The following PID1 variants were observed in gnomAD, a reference collection of about 807,000 sequenced individuals.
The protein encoded by PID1 is phosphotyrosine interaction domain containing 1, also known as PTB-containing, cubilin and LRP1-interacting protein.
PID1 carries 10 observed loss-of-function variants against 19.1 expected under a neutral mutation model. The ratio of observed to expected loss-of-function variants is 0.52; its 90% CI spans 0.32 to 0.89. PID1 has a LOEUF of 0.89. Among genes scored for constraint, PID1 ranks in the 40% least tolerant of loss-of-function variants. PID1 has a pLI of 0.03. For missense variants in PID1, 248 were observed against 285.3 expected (o/e 0.87, Z 0.94); for synonymous variants, 130 against 116.0 (o/e 1.12, Z -0.78).
intron 2 of PID1, among the ~76,000 whole-genome samples, chr2:229,098,215 C>T (rs1468804164): frequency 6.6e-6 from 1 of 152,180 alleles, no homozygotes. Flanking sequence ...AGAAAAGAAG[C>T]TTGGACAATT....
intron 2 of PID1, among the ~76,000 whole-genome samples, chr2:229,112,784 C>T (rs1212176136): frequency 6.6e-6 from 1 of 152,134 alleles, no homozygotes; most frequent in African/African-American, 2.4e-5. Flanking sequence ...CATGCCTGGC[C>T]TCTACAACTT....
chr2:229,122,451 C>T (rs1027789864), intron 2 of PID1, among the ~76,000 whole-genome samples: 7 of 152,126 alleles, frequency 4.6e-5, no homozygotes, highest in Admixed American at 2.6e-4. Context: ...CAGGACATTT[C>T]TCTTCCCTGT....
intron 1 of PID1, among the ~76,000 whole-genome samples, chr2:229,233,490 ATT>A (rs56199529): frequency 3.0e-4 from 43 of 141,948 alleles, no homozygotes; most frequent in South Asian, 6.8e-4. Context: ...AGTGTGCTAG[ATT>A]TTTTTTTTTT....
intron 2 of PID1, among the ~76,000 whole-genome samples, chr2:229,106,117 A>T (rs1424882300): frequency 2.0e-5 from 3 of 151,776 alleles, no homozygotes; most frequent in South Asian, 4.2e-4. Flanking sequence ...GAAAGAAATA[A>T]ACAGAGGCCA....
chr2:229,249,292 T>G (rs1690085172), intron 1 of PID1, among the ~76,000 whole-genome samples: 1 of 152,138 alleles, frequency 6.6e-6, no homozygotes, highest in African/African-American at 2.4e-5. Flanking sequence ...TTTCCCCCAT[T>G]AACATGTGGC....
intron 1 of PID1, among the ~76,000 whole-genome samples, chr2:229,160,868 T>A (rs1690479318): frequency 6.6e-6 from 1 of 152,178 alleles, no homozygotes; most frequent in South Asian, 2.1e-4. Context: ...AAATTAACAT[T>A]TTATGTAACT....
chr2:229,088,478 C>G (rs979519704), intron 2 of PID1, among the ~76,000 whole-genome samples: 1 of 152,044 alleles, frequency 6.6e-6, no homozygotes, highest in Non-Finnish European at 1.5e-5. Flanking sequence ...AGTGAACAGG[C>G]AATGGAGTAT....
intron 2 of PID1, among the ~76,000 whole-genome samples, chr2:229,052,361 C>A (rs1694013115): frequency 6.6e-6 from 1 of 151,994 alleles, no homozygotes; most frequent in Non-Finnish European, 1.5e-5. Flanking sequence ...CTTTATAATA[C>A]TGGATATAGG....
At chr2:229,251,944 T>TAAAAAAAAAAAAAAAA (rs11284650) in intron 1 of PID1, among the ~76,000 whole-genome samples, 6 of 71,454 alleles carry the variant, frequency 8.4e-5, no homozygotes, top group East Asian at 7.4e-4. Flanking sequence ...AACCATAAGC[T>TAAAAAAAAAAAAAAAA]AAAAAAAAAA....
intron 2 of PID1, among the ~76,000 whole-genome samples, chr2:229,067,328 A>G (rs1277105155): frequency 6.6e-6 from 1 of 152,162 alleles, no homozygotes; most frequent in Non-Finnish European, 1.5e-5. Flanking sequence ...CCCTTAAATA[A>G]TTCAATTTCT....
chr2:229,035,020 T>C (rs79532736), intron 2 of PID1, among the ~76,000 whole-genome samples: 173 of 152,206 alleles, frequency 1.1e-3, no homozygotes, highest in African/African-American at 3.7e-3. Context: ...CATCTCAGCA[T>C]GTGACTCCTT....
chr2:229,245,816 G>T (rs1689986886), intron 1 of PID1, among the ~76,000 whole-genome samples: 1 of 152,108 alleles, frequency 6.6e-6, no homozygotes, highest in Non-Finnish European at 1.5e-5. Context: ...ACTTAGTAGG[G>T]CTAAAACTTC....
intron 2 of PID1, among the ~76,000 whole-genome samples, chr2:229,129,030 C>A (rs1337133675): frequency 1.3e-5 from 2 of 152,076 alleles, no homozygotes; most frequent in African/African-American, 4.8e-5. Flanking sequence ...ATTATATACC[C>A]ACAAAAATTT....
chr2:229,158,492 T>C (rs1168482445), intron 1 of PID1, among the ~76,000 whole-genome samples: 1 of 152,190 alleles, frequency 6.6e-6, no homozygotes, highest in Non-Finnish European at 1.5e-5. Flanking sequence ...AACTATTTTA[T>C]TCAAGGACAT....
At chr2:229,192,448 C>T (rs1010934729) in intron 1 of PID1, among the ~76,000 whole-genome samples, 1 of 152,144 alleles carries the variant, frequency 6.6e-6, no homozygotes, top group Non-Finnish European at 1.5e-5. Context: ...CTTTATGTAA[C>T]TGACTTTGTC....
At chr2:229,149,903 A>G (rs75564655) in intron 2 of PID1, among the ~76,000 whole-genome samples, 8,770 of 152,140 alleles carry the variant, frequency 0.058, 878 homozygotes, top group African/African-American at 0.2. Context: ...GACACCTTCA[A>G]TCTAGGCTGG....
At chr2:229,223,192 A>C (rs1692010029) in intron 1 of PID1, among the ~76,000 whole-genome samples, 1 of 152,182 alleles carries the variant, frequency 6.6e-6, no homozygotes, top group Non-Finnish European at 1.5e-5. Context: ...TTGCCACCAT[A>C]CCAAGGGCCT....
intron 1 of PID1, among the ~76,000 whole-genome samples, chr2:229,253,211 C>T (rs1690200501): frequency 6.6e-6 from 1 of 152,108 alleles, no homozygotes; most frequent in African/African-American, 2.4e-5. Flanking sequence ...CTATTTTGGC[C>T]AAAGCAGCTA....
At chr2:229,244,543 T>A (rs1689952592) in intron 1 of PID1, among the ~76,000 whole-genome samples, 1 of 152,182 alleles carries the variant, frequency 6.6e-6, no homozygotes, top group Non-Finnish European at 1.5e-5. Flanking sequence ...TTCAATCCTT[T>A]AAAATCCTTT....
Sources: allele counts gnomAD v4.1 joint callset (sites outside exome capture counted in the v4.1 genomes callset), GRCh38; gene constraint gnomAD v4.1.1; transcripts MANE v1.5; gene names NCBI Gene and HGNC (gene_info 2026-07-23, HGNC 2026-07-21).